Variants in DNAH12 observed in about 807,000 individuals in gnomAD.
DNAH12 encodes axonemal beta dynein heavy chain 12.
DNAH12 carries 285 observed loss-of-function variants against 371.5 expected under a neutral mutation model. The observed-to-expected ratio is 0.77, with a 90% CI of 0.70 to 0.85. The LOEUF (loss-of-function observed/expected upper bound fraction) is 0.85. Among genes scored for constraint, DNAH12 ranks in the 40% least tolerant of loss-of-function variants. The probability of loss-of-function intolerance (pLI) is 0.00; values close to 1 mark genes in which losing one functional copy is unlikely to be tolerated. For missense variants in DNAH12, 3,611 were observed against 3,689.4 expected (o/e 0.98, Z 0.55); for synonymous variants, 1,200 against 1,213.0 (o/e 0.99, Z 0.22).
chr3:57,327,028 C>T (rs1326944050), intron 62 of DNAH12, among the ~76,000 whole-genome samples: 1 of 151,870 alleles, frequency 6.6e-6, no homozygotes, highest in Non-Finnish European at 1.5e-5. Flanking sequence ...AATATATATG[C>T]ACCCAATACA....
intron 62 of DNAH12, among the ~76,000 whole-genome samples, chr3:57,330,126 T>C (rs2062057908): frequency 6.6e-6 from 1 of 151,844 alleles, no homozygotes; most frequent in Admixed American, 6.6e-5. Flanking sequence ...GACTGTAAAC[T>C]AGTTCAACCA....
At chr3:57,433,342 T>C in intron 32 of DNAH12, 25 bp downstream of exon 32, 2 of 1,540,964 alleles carry the variant, frequency 1.3e-6, no homozygotes, top group Non-Finnish European at 8.8e-7. Flanking sequence ...TGGCTGAATC[T>C]GCTTCTCTTT....
In DNAH12 at chr3:57,502,217, C is replaced by G. The variant is rs1575695080; in HGVS notation, c.1243+106G>C. 4.8e-6 allele frequency: 7 copies of G among 1,453,110 alleles called. No individual in the cohort carries two copies. The East Asian group carries it at 9.2e-5, about 19-fold the overall frequency. 90.0% of individuals were successfully genotyped at this position (1,453,110 alleles called of 1,614,324 possible). A position where few individuals can be genotyped will look rare whatever the true frequency, so the allele number is the denominator to read the frequency against. On this transcript the variant is annotated intron_variant, in intron 10 of 73. Transcript: ENST00000495027. Reference sequence around the variant, plus strand: ...AAGCTACGCCTATGCTCACTTCTGGCTCTCCCTGTTCTTTCATGGCAGCCC... The same window carrying G: ...AAGCTACGCCTATGCTCACTTCTGGGTCTCCCTGTTCTTTCATGGCAGCCC...
In DNAH12 at chr3:57,318,113, A is replaced by C. The variant is rs894710637; in HGVS notation, c.10525-3482T>G. On this transcript the variant is annotated intron_variant, in intron 65 of 73. Transcript: ENST00000495027. ...TTGCAAATAATTTCTCCCATTCCTT[A>C]GGTTGGCTTTTCACTTTGTTGATCA... Among the ~76,000 whole-genome samples the C allele has an allele frequency of 2.0e-5, 3 of 152,058 alleles. No individual in the cohort carries two copies. The East Asian group carries it at 5.8e-4, about 29-fold the overall frequency.
chr3:57,373,079 G>A (rs1448776831), intron 55 of DNAH12, among the ~76,000 whole-genome samples: 1 of 152,078 alleles, frequency 6.6e-6, no homozygotes, highest in African/African-American at 2.4e-5. Flanking sequence ...CAAAAAGAAG[G>A]AAGCAAACAC....
Position 57,413,799 on chromosome 3 carries a change from A to G in DNAH12, c.5967T>C (p.Tyr1989=), listed in dbSNP as rs1218670345. ...DDMNMPALEK[Y]GAQPPIELLR... ...ATAATTCAATAGGTGGTTGAGCTCCATACTTCTCCAATGCAGGCATATTCA... is the reference window on the plus strand; with the variant it reads ...ATAATTCAATAGGTGGTTGAGCTCCGTACTTCTCCAATGCAGGCATATTCA... Residue 1989 remains tyrosine (Y), a synonymous_variant, in exon 39 of 74, where the codon TAT becomes TAC. Coordinates refer to ENST00000495027, the MANE Select transcript of DNAH12 (RefSeq NM_001366028.2). The G allele has an allele frequency of 4.5e-6, 7 of 1,551,186 alleles. No homozygotes were observed. The highest frequency in any genetic ancestry group is 2.0e-5 in the Admixed American group (1 of 50,970).
chr3:57,391,225 C>T (rs1321791662), intron 45 of DNAH12, among the ~76,000 whole-genome samples: 1 of 152,134 alleles, frequency 6.6e-6, no homozygotes, highest in Non-Finnish European at 1.5e-5. Context: ...GAGTGCCCTC[C>T]CTAATGTCAG....
At chr3:57,342,059 C>A (rs571911631) in intron 60 of DNAH12, among the ~76,000 whole-genome samples, 2 of 152,180 alleles carry the variant, frequency 1.3e-5, no homozygotes, top group South Asian at 4.2e-4. Context: ...AATTGGATAT[C>A]CATATGCAGA....
intron 2 of DNAH12, among the ~76,000 whole-genome samples, chr3:57,524,220 A>ACC (rs566646132): frequency 1.6e-3 from 245 of 152,108 alleles, no homozygotes; most frequent in African/African-American, 5.4e-3. Context: ...GCCTCCCCGT[A>ACC]CCCCCATATT....
intron 13 of DNAH12, among the ~76,000 whole-genome samples, chr3:57,478,726 T>C (rs2066625384): frequency 6.6e-6 from 1 of 152,326 alleles, no homozygotes; most frequent in South Asian, 2.1e-4. Context: ...AGCTGAGCTC[T>C]TGGCAGAAAC....
chr3:57,300,898 T>G (rs990152892), intron 70 of DNAH12, among the ~76,000 whole-genome samples: 1 of 152,018 alleles, frequency 6.6e-6, no homozygotes, highest in Non-Finnish European at 1.5e-5. Flanking sequence ...AAAAGCAGTG[T>G]TCTGTCTGAT....
intron 60 of DNAH12, among the ~76,000 whole-genome samples, chr3:57,351,050 C>T (rs563799950): frequency 6.6e-6 from 1 of 151,562 alleles, no homozygotes; most frequent in South Asian, 2.1e-4. Context: ...GCAGGCAGAT[C>T]ACGAGGTCAG....
chr3:57,406,098 C>T (rs2064016725), intron 40 of DNAH12, 146 bp from the exon 41 acceptor site: 6 of 840,456 alleles, frequency 7.1e-6, no homozygotes, highest in South Asian at 1.9e-5. Flanking sequence ...CATCTGTAAT[C>T]GCAGCACTTT....
chr3:57,498,578 T>G (rs560323202), intron 11 of DNAH12: 17 of 716,432 alleles, frequency 2.4e-5, no homozygotes, highest in Non-Finnish European at 4.4e-5. Flanking sequence ...CACAAAGACT[T>G]GTAAACAGAA....
chr3:57,553,507 C>T, the DNAH12 span, among the ~76,000 whole-genome samples: 2 of 152,188 alleles, frequency 1.3e-5, no homozygotes, highest in Admixed American at 1.3e-4. Context: ...CAGGGCCATA[C>T]TGCACTCAGC....
intron 47 of DNAH12, among the ~76,000 whole-genome samples, chr3:57,385,688 C>T (rs2153345193): frequency 6.6e-6 from 1 of 152,168 alleles, no homozygotes; most frequent in East Asian, 1.9e-4. Context: ...TTGAGATAAG[C>T]CTGGGGAACA....
At chr3:57,465,155 A>G (rs2066163211) in intron 17 of DNAH12, among the ~76,000 whole-genome samples, 1 of 152,200 alleles carries the variant, frequency 6.6e-6, no homozygotes, top group African/African-American at 2.4e-5. Context: ...GAAGTTAGAA[A>G]ACTCAGGAGC....
intron 60 of DNAH12, among the ~76,000 whole-genome samples, chr3:57,350,919 A>T (rs1438435389): frequency 6.6e-6 from 1 of 152,158 alleles, no homozygotes; most frequent in Non-Finnish European, 1.5e-5. Context: ...ATAAATTCAA[A>T]CCATGATGCA....
At chr3:57,380,620 A>G (rs1272639580) in intron 50 of DNAH12, among the ~76,000 whole-genome samples, 2 of 152,158 alleles carry the variant, frequency 1.3e-5, no homozygotes, top group East Asian at 3.9e-4. Context: ...TTCTGTCACC[A>G]CACCTGGTTA....
Sources: gnomAD v4.1 joint callset for allele counts (sites outside exome capture counted in the v4.1 genomes callset) on GRCh38, gnomAD v4.1.1 for gene constraint, MANE v1.5 for transcripts, NCBI Gene and HGNC (gene_info 2026-07-23, HGNC 2026-07-21) for gene names.